The following MAN1A2 variants were observed in gnomAD, a reference collection of about 807,000 sequenced individuals.
The protein encoded by MAN1A2 is mannosyl-oligosaccharide 1,2-alpha-mannosidase IB.
Under a neutral mutation model 75.7 loss-of-function variants are expected in MAN1A2, and 26 were observed. The observed-to-expected ratio is 0.34, with a 90% confidence interval of 0.25 to 0.48. The LOEUF (loss-of-function observed/expected upper bound fraction) is 0.48, where lower values mean the gene tolerates loss of function less well. Ranked by LOEUF, MAN1A2 falls within the 20% of genes least tolerant of loss-of-function variation. The pLI is 0.99. For missense variants in MAN1A2, 562 were observed against 775.5 expected (o/e 0.72, Z 3.27); for synonymous variants, 247 against 264.6 (o/e 0.93, Z 0.65).
intron 3 of MAN1A2, among the ~76,000 whole-genome samples, chr1:117,406,667 A>G (rs1647627236): frequency 6.6e-6 from 1 of 152,134 alleles, no homozygotes; most frequent in Non-Finnish European, 1.5e-5. Flanking sequence ...ACTTCATAAT[A>G]TGATATTTAA....
chr1:117,498,804 T>C (rs1323545550), intron 10 of MAN1A2, among the ~76,000 whole-genome samples: 1 of 151,966 alleles, frequency 6.6e-6, no homozygotes, highest in African/African-American at 2.4e-5. Flanking sequence ...TATCCTCTGC[T>C]GTGTTTTCTT....
intron 8 of MAN1A2, among the ~76,000 whole-genome samples, chr1:117,485,694 C>T (rs1252814300): frequency 6.6e-6 from 1 of 151,950 alleles, no homozygotes; most frequent in Non-Finnish European, 1.5e-5. Flanking sequence ...CACCTCCATC[C>T]CTGGTATTTA....
At chr1:117,518,536 A>G (rs1651784531) in intron 12 of MAN1A2, among the ~76,000 whole-genome samples, 1 of 152,090 alleles carries the variant, frequency 6.6e-6, no homozygotes, top group Non-Finnish European at 1.5e-5. Context: ...AAAGTTTTTA[A>G]AAAGAATGAT....
intron 10 of MAN1A2, among the ~76,000 whole-genome samples, chr1:117,498,209 G>A (rs1651092891): frequency 6.6e-6 from 1 of 151,798 alleles, no homozygotes. Flanking sequence ...TGTTGATACA[G>A]AATGCCAATT....
intron 5 of MAN1A2, among the ~76,000 whole-genome samples, chr1:117,432,492 A>G (rs1570740430): frequency 6.6e-6 from 1 of 152,230 alleles, no homozygotes; most frequent in South Asian, 2.1e-4. Context: ...ATAATGGAAT[A>G]TTATAAGCAG....
intron 4 of MAN1A2, among the ~76,000 whole-genome samples, chr1:117,417,976 G>A (rs1308335453): frequency 1.3e-5 from 2 of 151,872 alleles, no homozygotes; most frequent in Non-Finnish European, 2.9e-5. Flanking sequence ...AGCCCAGGAG[G>A]TTGAGGCTAC....
intron 3 of MAN1A2, among the ~76,000 whole-genome samples, chr1:117,411,150 TA>T (rs1246828883): frequency 1.3e-5 from 2 of 151,538 alleles, no homozygotes; most frequent in Non-Finnish European, 3.0e-5. Context: ...GTAATTTTTT[TA>T]AAAAAAACCA....
chr1:117,429,797 C>T (rs1291023211), intron 5 of MAN1A2, among the ~76,000 whole-genome samples: 1 of 97,828 alleles, frequency 1.0e-5, no homozygotes, highest in Non-Finnish European at 2.2e-5. Context: ...GGCGGCTGGC[C>T]GGGCGGGGGG....
At chr1:117,475,707 T>A (rs970398495) in intron 8 of MAN1A2, among the ~76,000 whole-genome samples, 5 of 152,188 alleles carry the variant, frequency 3.3e-5, no homozygotes, top group African/African-American at 1.2e-4. Context: ...TCCTTTTTTA[T>A]GGCTGCATAG....
chr1:117,438,634 A>G (rs1648927060), intron 5 of MAN1A2, among the ~76,000 whole-genome samples: 1 of 152,168 alleles, frequency 6.6e-6, no homozygotes, highest in Non-Finnish European at 1.5e-5. Context: ...CAGATATACC[A>G]TTTTTAATCT....
chr1:117,445,804 G>A (rs961497624), intron 6 of MAN1A2, among the ~76,000 whole-genome samples: 3 of 149,276 alleles, frequency 2.0e-5, no homozygotes, highest in Admixed American at 6.7e-5. Flanking sequence ...TAGGATTACA[G>A]GTGTGAGCCA....
At chr1:117,381,045 A>G (rs969201913) in intron 1 of MAN1A2, among the ~76,000 whole-genome samples, 31 of 152,052 alleles carry the variant, frequency 2.0e-4, no homozygotes, top group African/African-American at 7.5e-4. Flanking sequence ...AGCAATGTTT[A>G]TGGTTTTCAG....
Position 117,528,442 on chromosome 1 carries a change from AAC to A in MAN1A2, c.*5494_*5495del, listed in dbSNP as rs1241972579. 1.3e-5 allele frequency: 2 copies of A among 152,024 alleles called. No homozygotes were observed. Among genetic ancestry groups the A allele is most frequent in the African/African-American group, 2.4e-5 (1 of 41,416 alleles). 9.4% of individuals were successfully genotyped at this position (152,024 alleles called of 1,614,324 possible). Reference sequence around the variant, plus strand: ...GGTGTGAATGTAAGTGTGGGGATCAAACACACACACCTATACACATACATATT... The same window carrying A: ...GGTGTGAATGTAAGTGTGGGGATCAAACACACACCTATACACATACATATT... On this transcript the variant is annotated 3_prime_UTR_variant, in exon 13 of 13. Transcript: ENST00000356554.
chr1:117,505,244 C>T lies in MAN1A2; in HGVS notation c.1793+2274C>T, dbSNP rs899192617. 3.3e-5 allele frequency among the ~76,000 whole-genome samples: 5 copies of T among 151,324 alleles called. No individual in the cohort carries two copies. The East Asian group carries it at 9.7e-4, about 29-fold the overall frequency. On this transcript the variant is annotated intron_variant, in intron 12 of 12. Transcript: ENST00000356554. The stretch of plus-strand genomic sequence containing the variant: ...ATTTCTAATTTCAGTTCAAATTTCA[C>T]CTCTTTGCAGACTGGCTTTCATAAT...
At chr1:117,413,848 T>A (rs1343316062) in intron 3 of MAN1A2, among the ~76,000 whole-genome samples, 1 of 151,928 alleles carries the variant, frequency 6.6e-6, no homozygotes, top group Admixed American at 6.6e-5. Flanking sequence ...CTGATATTTA[T>A]TTTTTTGCTG....
At chr1:117,497,984 A>G (rs1015317788) in intron 10 of MAN1A2, among the ~76,000 whole-genome samples, 1 of 151,982 alleles carries the variant, frequency 6.6e-6, no homozygotes, top group African/African-American at 2.4e-5. Flanking sequence ...GCTAGTTCAT[A>G]AATCTGTCAA....
chr1:117,437,560 T>C (rs532061107), intron 5 of MAN1A2, among the ~76,000 whole-genome samples: 2 of 152,274 alleles, frequency 1.3e-5, no homozygotes, highest in East Asian at 3.9e-4. Context: ...TGTGTGCGTG[T>C]GTGTGTGTGG....
chr1:117,401,147 GTT>G (rs767056945), intron 1 of MAN1A2, among the ~76,000 whole-genome samples: 26 of 135,194 alleles, frequency 1.9e-4, no homozygotes, highest in Non-Finnish European at 9.7e-5. Context: ...TTGTATAAAG[GTT>G]TTTTTTTTTT....
intron 2 of MAN1A2, among the ~76,000 whole-genome samples, chr1:117,403,326 A>G (rs1647504800): frequency 6.6e-6 from 1 of 152,212 alleles, no homozygotes; most frequent in African/African-American, 2.4e-5. Context: ...TGGAGTAGAA[A>G]TAGAGCTGTG....
Sources: gnomAD v4.1 joint callset for allele counts (sites outside exome capture counted in the v4.1 genomes callset) on GRCh38, gnomAD v4.1.1 for gene constraint, MANE v1.5 for transcripts, NCBI Gene and HGNC (gene_info 2026-07-23, HGNC 2026-07-21) for gene names.